Variants in KSR1 observed in about 807,000 individuals in gnomAD.
KSR1 encodes kinase suppressor of ras 1, also known as kinase suppressor of ras.
Under a neutral mutation model 92.9 loss-of-function variants are expected in KSR1, and 35 were observed. The observed-to-expected ratio is 0.38, with a 90% confidence interval of 0.29 to 0.50. The LOEUF is 0.50. Among genes scored for constraint, KSR1 ranks in the 20% least tolerant of loss-of-function variants. The pLI, the probability that KSR1 is intolerant of heterozygous loss-of-function variation, is 0.94. For synonymous variants in KSR1, 467 were observed against 472.6 expected (o/e 0.99, Z 0.15); for missense variants, 972 against 1,158.5 (o/e 0.84, Z 2.34).
At chr17:27,507,087 GC>G (rs1567774483) in intron 1 of KSR1, among the ~76,000 whole-genome samples, 1 of 152,216 alleles carries the variant, frequency 6.6e-6, no homozygotes, top group Non-Finnish European at 1.5e-5. Context: ...GTCGGGGTGT[GC>G]AGTGTAAAAA....
At chr17:27,519,572 A>T (rs2069938916) in intron 1 of KSR1, among the ~76,000 whole-genome samples, 1 of 152,102 alleles carries the variant, frequency 6.6e-6, no homozygotes, top group African/African-American at 2.4e-5. Context: ...AGTCAGTGCC[A>T]CTCTGTCAGT....
chr17:27,604,112 T>A (rs547992284), intron 12 of KSR1, among the ~76,000 whole-genome samples: 1 of 152,140 alleles, frequency 6.6e-6, no homozygotes, highest in Admixed American at 6.5e-5. Flanking sequence ...ACTGGAGCAG[T>A]CTTGGGACCC....
chr17:27,565,332 T>G (rs1310534281), intron 2 of KSR1, among the ~76,000 whole-genome samples: 1 of 152,228 alleles, frequency 6.6e-6, no homozygotes, highest in Non-Finnish European at 1.5e-5. Flanking sequence ...CTGTGAGCTT[T>G]ATGTGGAATC....
chr17:27,587,150 G>C (rs2072998293), intron 5 of KSR1: 1 of 152,334 alleles, frequency 6.6e-6, no homozygotes, highest in African/African-American at 2.4e-5. Context: ...TGGGATTACA[G>C]GTGTGAGCCA....
intron 1 of KSR1, chr17:27,526,240 G>A (rs1484662827): frequency 1.8e-6 from 1 of 554,060 alleles, no homozygotes; most frequent in Non-Finnish European, 3.1e-6. Flanking sequence ...GGGTGCAGCT[G>A]TTTCCCTGAA....
intron 1 of KSR1, chr17:27,465,075 A>G (rs1168572652): frequency 6.6e-6 from 1 of 152,228 alleles, no homozygotes; most frequent in African/African-American, 2.4e-5. Flanking sequence ...CCCTGATTCC[A>G]GAATGCAGGT....
intron 1 of KSR1, among the ~76,000 whole-genome samples, chr17:27,480,334 A>C (rs1361698388): frequency 6.6e-6 from 1 of 152,192 alleles, no homozygotes; most frequent in Non-Finnish European, 1.5e-5. Flanking sequence ...TCACCTCCCT[A>C]GAATGAAAGC....
At chr17:27,557,766 T>A (rs924150814) in intron 2 of KSR1, among the ~76,000 whole-genome samples, 5 of 151,746 alleles carry the variant, frequency 3.3e-5, no homozygotes, top group Admixed American at 1.3e-4. Context: ...CCATGTGGAG[T>A]GGTACCTTCC....
chr17:27,573,584 T>C (rs1011133760), intron 2 of KSR1, among the ~76,000 whole-genome samples: 1 of 152,376 alleles, frequency 6.6e-6, no homozygotes, highest in South Asian at 2.1e-4. Context: ...TCCAGCTGTT[T>C]CTGTACCTCA....
chr17:27,621,889 T>A, intron 20 of KSR1: 1 of 1,612,346 alleles, frequency 6.2e-7, no homozygotes, highest in Non-Finnish European at 8.5e-7. Context: ...GGGCTATGAT[T>A]CTGATGCTGT....
intron 1 of KSR1, among the ~76,000 whole-genome samples, chr17:27,501,280 A>ATTTTTTTTTTTT: frequency 1.6e-5 from 1 of 60,726 alleles, no homozygotes; most frequent in Non-Finnish European, 3.5e-5. Flanking sequence ...TTTTTTTTTA[A>ATTTTTTTTTTTT]TTTCTTTTCT....
At chr17:27,599,822 T>C (rs1216224533) in intron 10 of KSR1, among the ~76,000 whole-genome samples, 2 of 152,168 alleles carry the variant, frequency 1.3e-5, no homozygotes, top group East Asian at 1.9e-4. Context: ...CAAAAACTTT[T>C]TTTTTGAATT....
chr17:27,528,686 C>T (rs190410794), intron 1 of KSR1, among the ~76,000 whole-genome samples: 13 of 152,162 alleles, frequency 8.5e-5, no homozygotes, highest in Admixed American at 8.5e-4. Flanking sequence ...ATCTCTTGAG[C>T]CCAGGAGCTT....
chr17:27,465,030 C>T (rs8070511), intron 1 of KSR1: 65,039 of 147,380 alleles, frequency 0.44, 12,584 homozygotes, highest in South Asian at 0.59. Context: ...GGGTTGGACA[C>T]GGCTGATCTA....
At chr17:27,601,868 C>T (rs2073573322) in intron 11 of KSR1, 1 of 1,587,866 alleles carries the variant, frequency 6.3e-7, no homozygotes, top group African/African-American at 1.3e-5. Context: ...TAGTGGGCTT[C>T]ACCCTTCTGT....
chr17:27,562,451 G>A (rs1438610039), intron 2 of KSR1, among the ~76,000 whole-genome samples: 1 of 152,200 alleles, frequency 6.6e-6, no homozygotes, highest in Non-Finnish European at 1.5e-5. Flanking sequence ...GAATCCCAGG[G>A]CTCCGAAACT....
chr17:27,525,001 C>T (rs1236992278), intron 1 of KSR1, among the ~76,000 whole-genome samples: 2 of 152,230 alleles, frequency 1.3e-5, no homozygotes, highest in Non-Finnish European at 2.9e-5. Context: ...AATGTCAGAG[C>T]ATTGTCTCAT....
rs761060735 is a variant in KSR1, at chr17:27,609,240, C to T, written c.2136C>T (p.Leu712=). The T allele has an allele frequency of 4.3e-6, 7 of 1,614,012 alleles. No individual in the cohort carries two copies. The Middle Eastern group carries it at 4.9e-4, about 114-fold the overall frequency. The change falls in exon 16 of 21, where the codon CTC becomes CTT. Residue 712 remains leucine, a synonymous_variant. Transcript: ENST00000644974. ...CCAAGGGCATCGTACACAAAGATCTCAAATCTAAGAACGTCTTCTATGACA... is the reference window on the plus strand; with the variant it reads ...CCAAGGGCATCGTACACAAAGATCTTAAATCTAAGAACGTCTTCTATGACA... ...LHAKGIVHKD[L]KSKNVFYDNG... is the part of the protein sequence containing the mutation.
chr17:27,556,303 G>A (rs1304284551), intron 2 of KSR1, among the ~76,000 whole-genome samples: 1 of 152,120 alleles, frequency 6.6e-6, no homozygotes, highest in Non-Finnish European at 1.5e-5. Context: ...CAGCTTCAAT[G>A]TCCTGGGCTC....
Sources: gnomAD v4.1 joint callset for allele counts (sites outside exome capture counted in the v4.1 genomes callset) on GRCh38, gnomAD v4.1.1 for gene constraint, MANE v1.5 for transcripts, NCBI Gene and HGNC (gene_info 2026-07-23, HGNC 2026-07-21) for gene names.